The following CNTNAP3 variants were observed in gnomAD, a reference collection of about 807,000 sequenced individuals.
CNTNAP3 encodes the protein contactin associated protein family member 3, also known as contactin-associated protein-like 3.
A neutral mutation model predicts 92.1 loss-of-function variants in CNTNAP3; 36 were observed. The observed-to-expected ratio is 0.39, with a 90% confidence interval of 0.30 to 0.52. CNTNAP3 has a LOEUF of 0.52. Among genes scored for constraint, CNTNAP3 ranks in the 20% least tolerant of loss-of-function variants. CNTNAP3 has a pLI of 0.76. For missense variants in CNTNAP3, 534 were observed against 1,069.6 expected, an observed-to-expected ratio of 0.50 and a Z score of 6.98; for synonymous variants, 232 against 422.3, an observed-to-expected ratio of 0.55 and a Z score of 5.53.
chr9:39,104,433 G>A (rs1402504477), intron 15 of CNTNAP3, among the ~76,000 whole-genome samples: 1 of 149,894 alleles, frequency 6.7e-6, no homozygotes, highest in African/African-American at 2.5e-5. Context: ...AATGACTCCA[G>A]AAGCCAGAAC....
rs1403034127 is a variant in CNTNAP3, at chr9:39,132,949, C to T, written c.2063G>A (p.Arg688Gln). ...QRLALRCGTA[R>Q]RPDSRDGTPL... ...GCGCTTACCTCGTGAGTCCGGGCGC[C>T]GCGCCGTCCCGCAGCGCAGAGCCAG... is the stretch of plus-strand genomic sequence containing the variant. Residue 688 changes from arginine (R) to glutamine (Q), a missense_variant, in exon 13 of 24, where the codon CGG becomes CAG. Coordinates refer to ENST00000297668, the MANE Select transcript of CNTNAP3 (RefSeq NM_033655.5). The T allele has an allele frequency of 3.2e-6, 5 of 1,545,790 alleles. No individual in the cohort carries two copies. Among genetic ancestry groups the T allele is most frequent in the Admixed American group, 3.9e-5 (2 of 51,760 alleles).
chr9:39,142,671 C>CAAAAAAAAA (rs560924846), intron 11 of CNTNAP3, among the ~76,000 whole-genome samples: 1 of 102,696 alleles, frequency 9.7e-6, no homozygotes, highest in African/African-American at 3.8e-5. Flanking sequence ...GACTCCGTCT[C>CAAAAAAAAA]AAAAAAAAAA....
intron 14 of CNTNAP3, among the ~76,000 whole-genome samples, chr9:39,110,723 G>A (rs1826725314): frequency 6.6e-6 from 1 of 152,094 alleles, no homozygotes; most frequent in East Asian, 1.9e-4. Context: ...ATATGTGTAT[G>A]TAACTGTATA....
At chr9:39,094,493 C>A (rs1474909275) in intron 18 of CNTNAP3, among the ~76,000 whole-genome samples, 2 of 151,514 alleles carry the variant, frequency 1.3e-5, no homozygotes, top group Admixed American at 6.6e-5. Context: ...ATAGTTTTAT[C>A]TTTTAGATTT....
At chr9:39,104,520 A>T (rs976632679) in intron 15 of CNTNAP3, among the ~76,000 whole-genome samples, 1 of 145,872 alleles carries the variant, frequency 6.9e-6, no homozygotes, top group Non-Finnish European at 1.5e-5. Context: ...ACACACACAC[A>T]CTGTCTTAAT....
At chr9:39,103,707 T>G in intron 16 of CNTNAP3, 37 bp downstream of exon 16, 2 of 1,580,454 alleles carry the variant, frequency 1.3e-6, no homozygotes, top group Non-Finnish European at 1.7e-6. Context: ...TGCTAAATAA[T>G]GGGTACCCTG....
chr9:39,179,302 C>T (rs924220000), intron 4 of CNTNAP3, among the ~76,000 whole-genome samples: 5 of 130,664 alleles, frequency 3.8e-5, no homozygotes, highest in Admixed American at 1.5e-4. Flanking sequence ...CACACACACA[C>T]ACACACACAC....
At chr9:39,209,690 C>CCCTTCCTT (rs1342894034) in intron 3 of CNTNAP3, among the ~76,000 whole-genome samples, 12 of 8,218 alleles carry the variant, frequency 1.5e-3, no homozygotes, top group Non-Finnish European at 7.4e-3. Context: ...GCCCCTTCCT[C>CCCTTCCTT]CCTTCCTTCC....
intron 9 of CNTNAP3, chr9:39,159,484 G>C (rs867968266): frequency 7.7e-6 from 1 of 129,794 alleles, no homozygotes; most frequent in African/African-American, 3.0e-5. Context: ...CATCATGCCC[G>C]GCTAAATTTT....
chr9:39,159,819 TC>T (rs2118189041), intron 9 of CNTNAP3: 1 of 133,484 alleles, frequency 7.5e-6, no homozygotes, highest in Non-Finnish European at 1.6e-5. Flanking sequence ...CTTTTAATCA[TC>T]ACTGTAACAA....
rs1323678170 is a variant in CNTNAP3 at position 39,073,099 on chromosome 9, T to A, written c.*791A>T. 3.3e-5 allele frequency: 5 copies of A among 153,132 alleles called. No individual in the cohort carries two copies. Among genetic ancestry groups the A allele is most frequent in the African/African-American group, 1.2e-4 (5 of 41,482 alleles). 9.5% of individuals were successfully genotyped at this position (153,132 alleles called of 1,614,324 possible). Reference sequence around the variant, plus strand: ...AATCTTGTATTGACATCCTCTTGCATCTTGTTACCTACCAATGTTCTGTTC... The same window carrying A: ...AATCTTGTATTGACATCCTCTTGCAACTTGTTACCTACCAATGTTCTGTTC... On this transcript the variant is annotated 3_prime_UTR_variant, in exon 24 of 24. Transcript: ENST00000297668.
intron 14 of CNTNAP3, among the ~76,000 whole-genome samples, chr9:39,117,250 C>T (rs1587716172): frequency 6.6e-6 from 1 of 151,968 alleles, no homozygotes; most frequent in Admixed American, 6.6e-5. Flanking sequence ...CCTTGGCCTC[C>T]CAAAGTGCTG....
intron 18 of CNTNAP3, among the ~76,000 whole-genome samples, chr9:39,095,587 T>G (rs1587704427): frequency 6.9e-6 from 1 of 145,454 alleles, no homozygotes; most frequent in African/African-American, 2.5e-5. Flanking sequence ...GATAATCATG[T>G]TTTTTTTCCC....
At chr9:39,121,762 T>C (rs565191630) in intron 13 of CNTNAP3, among the ~76,000 whole-genome samples, 3 of 146,902 alleles carry the variant, frequency 2.0e-5, no homozygotes, top group Admixed American at 6.7e-5. Context: ...AGAATAAAGA[T>C]AGGAAAAAAA....
At chr9:39,109,063 A>C in intron 15 of CNTNAP3, 97 bp downstream of exon 15, 1 of 1,487,002 alleles carries the variant, frequency 6.7e-7, no homozygotes, top group East Asian at 2.4e-5. Context: ...TAGTACTGCC[A>C]CTATTCTCTT....
intron 13 of CNTNAP3, among the ~76,000 whole-genome samples, chr9:39,128,858 C>G (rs1451027202): frequency 1.3e-5 from 2 of 149,836 alleles, no homozygotes; most frequent in Non-Finnish European, 3.0e-5. Flanking sequence ...CATATTCTAA[C>G]AAGAAACATG....
At chr9:39,079,208 A>C (rs1825872291) in intron 21 of CNTNAP3, among the ~76,000 whole-genome samples, 1 of 152,138 alleles carries the variant, frequency 6.6e-6, no homozygotes, top group South Asian at 2.1e-4. Context: ...ACATGGCATA[A>C]ATTTAAGAAA....
chr9:39,168,016 G>GT (rs1031535761), intron 8 of CNTNAP3, among the ~76,000 whole-genome samples: 2 of 140,238 alleles, frequency 1.4e-5, no homozygotes, highest in African/African-American at 2.9e-5. Flanking sequence ...GTTTTTTTTT[G>GT]TTTTTGTTTT....
intron 12 of CNTNAP3, among the ~76,000 whole-genome samples, chr9:39,138,215 T>A (rs946157170): frequency 1.3e-5 from 2 of 152,074 alleles, no homozygotes; most frequent in Admixed American, 6.5e-5. Flanking sequence ...ATGTACCAGG[T>A]AAAAGTAACT....
Sources: allele counts gnomAD v4.1 joint callset (sites outside exome capture counted in the v4.1 genomes callset), GRCh38; gene constraint gnomAD v4.1.1; transcripts MANE v1.5; gene names NCBI Gene and HGNC (gene_info 2026-07-23, HGNC 2026-07-21).